The following ABCD3 variants were observed in gnomAD, a reference collection of about 807,000 sequenced individuals.
The protein encoded by ABCD3 is ATP-binding cassette sub-family D member 3.
ABCD3 carries 41 observed loss-of-function variants against 105.5 expected under a neutral mutation model. That is an observed-to-expected ratio of 0.39 (90% CI 0.30 to 0.50). The LOEUF is 0.50. ABCD3 is among the 20% of genes least tolerant of loss of function. The pLI, the probability that ABCD3 is intolerant of heterozygous loss-of-function variation, is 0.84. For synonymous variants in ABCD3, 258 were observed against 269.0 expected, an observed-to-expected ratio of 0.96 and a Z score of 0.40; for missense variants, 622 against 806.3, an observed-to-expected ratio of 0.77 and a Z score of 2.77.
chr1:94,488,029 A>G (rs764764756), intron 13 of ABCD3, 46 bp downstream of exon 13: 1 of 1,405,456 alleles, frequency 7.1e-7, no homozygotes, highest in South Asian at 1.2e-5. Flanking sequence ...ATTTTTAAAA[A>G]TATATTATCC....
At chr1:94,434,682 A>T (rs1174550855) in intron 1 of ABCD3, among the ~76,000 whole-genome samples, 4 of 152,232 alleles carry the variant, frequency 2.6e-5, no homozygotes, top group Non-Finnish European at 5.9e-5. Flanking sequence ...TCTAAGAGTT[A>T]AGGCACCTTT....
chr1:94,458,749 A>T, intron 2 of ABCD3, 106 bp downstream of exon 2: 1 of 1,103,912 alleles, frequency 9.1e-7, no homozygotes. Context: ...TAGGGAACTT[A>T]AAAATACTCC....
chr1:94,421,659 ACT>A (rs926107366), intron 1 of ABCD3, among the ~76,000 whole-genome samples: 3 of 152,016 alleles, frequency 2.0e-5, no homozygotes, highest in African/African-American at 7.2e-5. Context: ...AAACTTAAAC[ACT>A]GATAGCAGAA....
chr1:94,476,717 G>T (rs1648761409), intron 7 of ABCD3, among the ~76,000 whole-genome samples: 1 of 152,152 alleles, frequency 6.6e-6, no homozygotes, highest in Non-Finnish European at 1.5e-5. Context: ...CTCTCCTCAT[G>T]CCCAGGCCCA....
At chr1:94,473,509 C>T (rs1419471902) in intron 4 of ABCD3, among the ~76,000 whole-genome samples, 1 of 151,862 alleles carries the variant, frequency 6.6e-6, no homozygotes, top group East Asian at 1.9e-4. Flanking sequence ...TTAAAGCAGC[C>T]ATTTTTACTA....
At chr1:94,399,844 A>T in the ABCD3 span, among the ~76,000 whole-genome samples, 6 of 152,234 alleles carry the variant, frequency 3.9e-5, no homozygotes, top group Non-Finnish European at 8.8e-5. Flanking sequence ...TTTCTACGTT[A>T]TGACATGGAG....
chr1:94,489,861 GC>G (rs1259430007), intron 14 of ABCD3, 41 bp from the exon 15 acceptor site: 2 of 1,611,356 alleles, frequency 1.2e-6, no homozygotes, highest in Non-Finnish European at 1.7e-6. Context: ...TTAAGTGTTT[GC>G]TGACATAATA....
chr1:94,440,699 T>TGGTA (rs1660100890), intron 1 of ABCD3, among the ~76,000 whole-genome samples: 1 of 152,224 alleles, frequency 6.6e-6, no homozygotes, highest in Non-Finnish European at 1.5e-5. Context: ...TTGTAGCTGT[T>TGGTA]GGTAGGTTGT....
intron 9 of ABCD3, chr1:94,482,689 T>A (rs1649087784): frequency 6.0e-6 from 1 of 165,448 alleles, no homozygotes; most frequent in Non-Finnish European, 1.3e-5. Context: ...TCCTGGGAGC[T>A]GGCACTTTGA....
chr1:94,439,389 C>A (rs1660051513), intron 1 of ABCD3, among the ~76,000 whole-genome samples: 1 of 151,888 alleles, frequency 6.6e-6, no homozygotes, highest in South Asian at 2.1e-4. Flanking sequence ...TACCTATAAT[C>A]CCAGCACTTT....
In ABCD3 at chr1:94,480,588, C is replaced by A. The variant is rs1648984151; in HGVS notation, c.809C>A (p.Ser270Tyr). 6.2e-7 allele frequency: 1 copy of A among 1,613,692 alleles called. No homozygotes were observed. Among genetic ancestry groups the A allele is most frequent in the Non-Finnish European group, 8.5e-7 (1 of 1,179,746 alleles). The change falls in exon 9 of 23, where the codon TCT becomes TAT. Residue 270 changes from serine to tyrosine, a missense_variant. Coordinates refer to ENST00000370214, the MANE Select transcript of ABCD3 (RefSeq NM_002858.4). ...KYEGEYRYVN[S>Y]RLITNSEEIA... ...GAAGGAGAATATAGATATGTTAATT[C>A]TCGGCTCATCACAAACAGGTAAAGA...
At chr1:94,388,407 T>C in the ABCD3 span, among the ~76,000 whole-genome samples, 1 of 152,006 alleles carries the variant, frequency 6.6e-6, no homozygotes, top group African/African-American at 2.4e-5. Context: ...AATTTTTTTC[T>C]GATGTCAGCT....
chr1:94,510,776 G>C (rs1224095311), intron 21 of ABCD3, among the ~76,000 whole-genome samples: 1 of 151,994 alleles, frequency 6.6e-6, no homozygotes, highest in East Asian at 1.9e-4. Flanking sequence ...ATCTTTGTTG[G>C]TTTAAAGTCT....
chr1:94,385,405 G>GA, the ABCD3 span, among the ~76,000 whole-genome samples: 100,536 of 151,962 alleles, frequency 0.66, 33,551 homozygotes, highest in Middle Eastern at 0.82. Flanking sequence ...AGCAAGCTGA[G>GA]AAAAAAGAGG....
At chr1:94,489,301 C>T (rs1195860186) in intron 13 of ABCD3, among the ~76,000 whole-genome samples, 1 of 152,068 alleles carries the variant, frequency 6.6e-6, no homozygotes, top group East Asian at 1.9e-4. Context: ...ATTCGGCATA[C>T]ATTTAATAAA....
chr1:94,442,560 G>A (rs1354707993), intron 1 of ABCD3, among the ~76,000 whole-genome samples: 2 of 152,096 alleles, frequency 1.3e-5, no homozygotes, highest in Non-Finnish European at 2.9e-5. Context: ...GGCTTTTAGT[G>A]TACCCATCAC....
In ABCD3 at chr1:94,489,960, C is replaced by T. The variant is rs761781505; in HGVS notation, c.1307C>T (p.Ala436Val). Residue 436 changes from alanine to valine, a missense_variant, in exon 15 of 23, where the codon GCA becomes GTA. This residue lies in a region of ABCD3 where 285 missense variants were observed against 352.5 expected (regional missense o/e 0.81). Transcript: ENST00000370214. ...CCTGGTGCTGGAGAAATCATTATTGCAGATAACATTATAAAGTACGTACAG... is the reference window on the plus strand; with the variant it reads ...CCTGGTGCTGGAGAAATCATTATTGTAGATAACATTATAAAGTACGTACAG... Reference protein sequence around the residue: ...LIPGAGEIIIADNIIKFDHVP... With the variant: ...LIPGAGEIIIVDNIIKFDHVP... The T allele has an allele frequency of 1.9e-6, 3 of 1,612,824 alleles. No homozygotes were observed. Among genetic ancestry groups the T allele is most frequent in the South Asian group, 1.1e-5 (1 of 91,032 alleles).
At position 94,498,624 on chromosome 1, in the gene ABCD3, T is replaced by C; in HGVS notation, c.1409T>C (p.Leu470Pro). ...NFEVRSGANV[L>P]ICGPNGCGKS... is the part of the protein sequence containing the mutation. ...CAGGTTCGATCTGGGGCTAATGTTC[T>C]AATTTGTGGTCCAAATGGCTGCGGA... The change falls in exon 17 of 23, where the codon CTA becomes CCA. Residue 470 changes from leucine to proline, a missense_variant. Coordinates refer to ENST00000370214, the MANE Select transcript of ABCD3 (RefSeq NM_002858.4). 1 of 1,613,760 alleles carries C rather than the reference T, an allele frequency of 6.2e-7. No homozygotes were observed. The highest frequency in any genetic ancestry group is 8.5e-7 in the Non-Finnish European group (1 of 1,179,880).
chr1:94,498,780 T>C lies in ABCD3; in HGVS notation c.1465-3T>C, dbSNP rs756758890. ...GTTCTTCTCCCTTCTCTCTCTTTAA[T>C]AGTTATGGCCTCTTTTTGGAGGACG... On this transcript the variant is annotated splice_polypyrimidine_tract_variant and splice_region_variant and intron_variant, in intron 17 of 22. Coordinates refer to ENST00000370214, the MANE Select transcript of ABCD3 (RefSeq NM_002858.4). 1.5e-5 allele frequency: 24 copies of C among 1,613,746 alleles called. No homozygotes were observed. The highest frequency in any genetic ancestry group is 1.6e-4 in the Middle Eastern group (1 of 6,078).
Sources: allele counts gnomAD v4.1 joint callset (sites outside exome capture counted in the v4.1 genomes callset), GRCh38; gene constraint gnomAD v4.1.1; regional missense constraint gnomAD v4.1.1; transcripts MANE v1.5; gene names NCBI Gene and HGNC (gene_info 2026-07-23, HGNC 2026-07-21).